The following NTRK1 variants were observed in gnomAD, a reference collection of about 807,000 sequenced individuals.
The protein encoded by NTRK1 is neurotrophic receptor tyrosine kinase 1.
In NTRK1, 62 loss-of-function variants were observed where a neutral mutation model predicts 86.8. That is an observed-to-expected ratio of 0.71 (90% CI 0.58 to 0.88). The LOEUF (loss-of-function observed/expected upper bound fraction) is 0.88, where lower values mean the gene tolerates loss of function less well. NTRK1 is among the 40% of genes least tolerant of loss of function. NTRK1 has a pLI of 0.00. For synonymous variants in NTRK1, 469 were observed against 456.6 expected, an observed-to-expected ratio of 1.03 and a Z score of -0.35; for missense variants, 967 against 1,078.4, an observed-to-expected ratio of 0.90 and a Z score of 1.45.
chr1:156,847,457 T>C (rs1007859498), intron 2 of NTRK1, among the ~76,000 whole-genome samples: 8 of 152,166 alleles, frequency 5.3e-5, no homozygotes, highest in African/African-American at 1.9e-4. Context: ...CCATGGGAGA[T>C]AGCAGAACAG....
intron 1 of NTRK1, chr1:156,816,040 G>T (rs776157082): frequency 6.2e-7 from 1 of 1,613,996 alleles, no homozygotes; most frequent in African/African-American, 1.3e-5. Context: ...GCTCCTGCGG[G>T]TCATGTCTGT....
intron 2 of NTRK1, chr1:156,844,686 G>A (rs41267423): frequency 0.15 from 244,586 of 1,613,878 alleles, 18,794 homozygotes; most frequent in East Asian, 0.18. Context: ...GGGCTGGGAC[G>A]GGGGTCCCAC....
chr1:156,826,113 T>C (rs1366091740), intron 1 of NTRK1, among the ~76,000 whole-genome samples: 1 of 152,060 alleles, frequency 6.6e-6, no homozygotes, highest in African/African-American at 2.4e-5. Flanking sequence ...ACAGAATGAG[T>C]TCATGTTAAA....
intron 1 of NTRK1, chr1:156,842,047 A>T: frequency 6.2e-7 from 1 of 1,603,788 alleles, no homozygotes; most frequent in South Asian, 1.1e-5. Flanking sequence ...GGGTCTCCTG[A>T]TGCCTAGCTT....
chr1:156,849,144 G>A, intron 2 of NTRK1: 1 of 1,599,334 alleles, frequency 6.3e-7, no homozygotes, highest in Non-Finnish European at 8.5e-7. Context: ...AGACCTCTGA[G>A]GAGAACTTCT....
In NTRK1 at chr1:156,865,497, C is replaced by T. The variant is rs138870041; in HGVS notation, c.359+698C>T. ...GAGCTCAGGCGGTAATGCTCACTCA[C>T]CGCTGCTCACCTCCTGCTGTGTGGC... On this transcript the variant is annotated intron_variant, in intron 3 of 16. Transcript: ENST00000524377. Among the ~76,000 whole-genome samples the T allele has an allele frequency of 1.6e-3, 242 of 152,328 alleles. 1 individual carries two copies. The highest frequency in any genetic ancestry group is 5.4e-3 in the African/African-American group (225 of 41,566).
Position 156,880,150 on chromosome 1 carries a change from A to G in NTRK1, c.2198A>G (p.Asn733Ser). Residue 733 changes from asparagine (N) to serine (S), a missense_variant, in exon 16 of 17, where the codon AAC becomes AGC. Physicochemically the swap from Asn to Ser is conservative, Grantham distance 46. Coordinates refer to ENST00000524377, the MANE Select transcript of NTRK1 (RefSeq NM_002529.4). The stretch of plus-strand genomic sequence containing the variant: ...AAGCAGCCCTGGTACCAGCTCTCCA[A>G]CACGGAGGTCAGCCCCGGCCCATGG... ...YGKQPWYQLS[N>S]TEAIDCITQG... 2 of 1,613,064 alleles carry G rather than the reference A, an allele frequency of 1.2e-6. No individual in the cohort carries two copies. Among genetic ancestry groups the G allele is most frequent in the Non-Finnish European group, 1.7e-6 (2 of 1,179,962 alleles).
intron 2 of NTRK1, 95 bp from the exon 3 acceptor site, chr1:156,864,633 C>T: frequency 7.2e-7 from 1 of 1,379,526 alleles, no homozygotes; most frequent in Non-Finnish European, 1.0e-6. Context: ...GGTAGGGGTT[C>T]AGCACAGGGG....
At chr1:156,849,233 G>A in intron 2 of NTRK1, 1 of 1,613,052 alleles carries the variant, frequency 6.2e-7, no homozygotes, top group Non-Finnish European at 8.5e-7. Context: ...CGGCACTGGG[G>A]TTGGGGTCTC....
intron 11 of NTRK1, 66 bp downstream of exon 11, chr1:156,875,074 TC>T: frequency 8.4e-7 from 1 of 1,188,616 alleles, no homozygotes; most frequent in Non-Finnish European, 1.3e-6. Context: ...TACTGGCTCT[TC>T]CTGACTCTGT....
chr1:156,844,669 C>G, intron 2 of NTRK1: 1 of 1,613,922 alleles, frequency 6.2e-7, no homozygotes, highest in Non-Finnish European at 8.5e-7. Context: ...GATGTAGGCA[C>G]AAAACGGGGC....
In NTRK1 at chr1:156,881,446, G is replaced by T. The variant is rs1553263326; in HGVS notation, c.2206-11G>T. On this transcript the variant is annotated splice_polypyrimidine_tract_variant and intron_variant, in intron 16 of 16. Coordinates refer to ENST00000524377, the MANE Select transcript of NTRK1 (RefSeq NM_002529.4). ...AGTGGGCTTTCTCCTCTGTCTCTCC[G>T]GTGGCCCCAGGCAATCGACTGCATC... The T allele has an allele frequency of 6.4e-7, 1 of 1,556,182 alleles. No individual in the cohort carries two copies. Among genetic ancestry groups the T allele is most frequent in the Non-Finnish European group, 8.7e-7 (1 of 1,149,840 alleles).
rs924614967 is a variant in NTRK1, at chr1:156,851,396, C to T, written c.50+9203C>T. The T allele has an allele frequency of 8.7e-6, 14 of 1,614,062 alleles. No individual in the cohort carries two copies. In the African/African-American group the frequency reaches 1.1e-4, roughly 12 times the overall value. ...TTGAGGAAGCCAGTAATGGTTTCTA[C>T]CAGCCCCAGGCTGTGCTGCAGCTGT... On this transcript the variant is annotated intron_variant, in intron 2 of 16. Transcript: ENST00000392302.
intron 1 of NTRK1, among the ~76,000 whole-genome samples, chr1:156,822,219 G>A (rs1335325159): frequency 6.6e-6 from 1 of 152,178 alleles, no homozygotes; most frequent in African/African-American, 2.4e-5. Flanking sequence ...TTGGGCTTCA[G>A]CTTGTTCTGT....
At chr1:156,821,708 T>C (rs1485998703) in intron 1 of NTRK1, among the ~76,000 whole-genome samples, 1 of 152,216 alleles carries the variant, frequency 6.6e-6, no homozygotes, top group Admixed American at 6.5e-5. Context: ...AGTTGCTTGG[T>C]AAGCATTTCA....
At chr1:156,868,382 G>A (rs988568659) in intron 5 of NTRK1, 123 bp from the exon 6 acceptor site, 8 of 1,532,166 alleles carry the variant, frequency 5.2e-6, no homozygotes, top group South Asian at 1.2e-5. Flanking sequence ...AAACTGCCTG[G>A]GGTGACATCG....
chr1:156,830,914 T>C (rs1654453407), intron 1 of NTRK1, among the ~76,000 whole-genome samples: 1 of 152,210 alleles, frequency 6.6e-6, no homozygotes, highest in Non-Finnish European at 1.5e-5. Context: ...GGGTATTTTC[T>C]TACCTTCTTT....
chr1:156,869,035 C>T (rs1175035078), intron 6 of NTRK1, among the ~76,000 whole-genome samples: 1 of 127,598 alleles, frequency 7.8e-6, no homozygotes, highest in African/African-American at 2.9e-5. Flanking sequence ...TTCCTTCCTT[C>T]CTTCCTTCCT....
At chr1:156,867,919 C>T (rs1184076549) in intron 4 of NTRK1, among the ~76,000 whole-genome samples, 185 bp from the exon 5 acceptor site, 3 of 152,156 alleles carry the variant, frequency 2.0e-5, no homozygotes, top group East Asian at 1.9e-4. Context: ...GTGATCCGCC[C>T]GCCTCGGCCT....
Sources: gnomAD v4.1 joint callset for allele counts (sites outside exome capture counted in the v4.1 genomes callset) on GRCh38, gnomAD v4.1.1 for gene constraint, MANE v1.5 for transcripts, NCBI Gene and HGNC (gene_info 2026-07-23, HGNC 2026-07-21) for gene names.